CHN2: variants seen among roughly 807,000 people sequenced by gnomAD.
The protein encoded by CHN2 is beta-chimaerin.
In CHN2, 35 loss-of-function variants were observed where a neutral mutation model predicts 56.3. The ratio of observed to expected loss-of-function variants is 0.62; its 90% CI spans 0.47 to 0.82. The LOEUF is 0.82. Among genes scored for constraint, CHN2 ranks in the 40% least tolerant of loss-of-function variants. The pLI is 0.00. For missense variants in CHN2, 491 were observed against 580.5 expected, an observed-to-expected ratio of 0.85 and a Z score of 1.58; for synonymous variants, 210 against 212.8, an observed-to-expected ratio of 0.99 and a Z score of 0.12.
At chr7:29,312,968 G>C (rs933490981) in intron 1 of CHN2, among the ~76,000 whole-genome samples, 1 of 152,052 alleles carries the variant, frequency 6.6e-6, no homozygotes, top group Non-Finnish European at 1.5e-5. Context: ...GATGGCTATG[G>C]TGTGACCATA....
chr7:29,353,522 G>T (rs961664941), intron 1 of CHN2, among the ~76,000 whole-genome samples: 6 of 152,176 alleles, frequency 3.9e-5, no homozygotes, highest in Admixed American at 2.6e-4. Flanking sequence ...GGGTGTGGTG[G>T]CGCACACCTG....
At chr7:29,262,587 T>C (rs1789648885) in intron 1 of CHN2, among the ~76,000 whole-genome samples, 1 of 152,228 alleles carries the variant, frequency 6.6e-6, no homozygotes, top group African/African-American at 2.4e-5. Context: ...CTTTTCTTCT[T>C]TAACTAATTG....
upstream of CHN2, among the ~76,000 whole-genome samples, chr7:29,190,280 A>G (rs1472322309): frequency 2.0e-5 from 3 of 152,228 alleles, no homozygotes; most frequent in Non-Finnish European, 2.9e-5. Flanking sequence ...GCCATAAAAT[A>G]TTTAAAGCTA....
intron 1 of CHN2, among the ~76,000 whole-genome samples, chr7:29,267,464 G>A (rs555685520): frequency 4.1e-4 from 63 of 152,058 alleles, no homozygotes; most frequent in African/African-American, 1.4e-3. Context: ...GGCTGGTCTC[G>A]AACTCTGACC....
intron 2 of CHN2, among the ~76,000 whole-genome samples, chr7:29,149,189 CTTTTTTTTTTTT>C (rs60520174): frequency 4.0e-5 from 4 of 100,340 alleles, no homozygotes; most frequent in Non-Finnish European, 7.4e-5. Context: ...GTCTGTTTCC[CTTTTTTTTTTTT>C]TTTTTTTTTG....
intron 2 of CHN2, among the ~76,000 whole-genome samples, chr7:29,152,716 T>G (rs760347160): frequency 6.6e-6 from 1 of 152,240 alleles, no homozygotes; most frequent in Non-Finnish European, 1.5e-5. Flanking sequence ...GCTCTTTTGC[T>G]CTGAGACGGT....
At chr7:29,342,260 A>C (rs62459611) in intron 1 of CHN2, among the ~76,000 whole-genome samples, 10,105 of 152,196 alleles carry the variant, frequency 0.066, 469 homozygotes, top group East Asian at 0.2. Context: ...GGATGGAGAG[A>C]TTATTCAGGA....
At chr7:29,376,924 C>T (rs753836713) in intron 3 of CHN2, among the ~76,000 whole-genome samples, 11 of 152,046 alleles carry the variant, frequency 7.2e-5, no homozygotes, top group Non-Finnish European at 1.3e-4. Flanking sequence ...CTGATCTCCT[C>T]CCTCTACCCT....
chr7:29,465,972 G>A (rs1223250755), intron 6 of CHN2, among the ~76,000 whole-genome samples: 1 of 152,218 alleles, frequency 6.6e-6, no homozygotes, highest in African/African-American at 2.4e-5. Flanking sequence ...GGGAGGCTCA[G>A]GTGGGCAGAT....
chr7:29,301,815 A>G (rs1793692492), intron 1 of CHN2, among the ~76,000 whole-genome samples: 1 of 152,212 alleles, frequency 6.6e-6, no homozygotes, highest in Non-Finnish European at 1.5e-5. Flanking sequence ...TTTCTCTTCA[A>G]ATAGGTCCAT....
intron 1 of CHN2, among the ~76,000 whole-genome samples, chr7:29,216,919 A>G (rs1048446006): frequency 2.0e-5 from 3 of 152,210 alleles, no homozygotes; most frequent in African/African-American, 7.2e-5. Context: ...ACTACATGGT[A>G]ATGAAGATGG....
At chr7:29,167,052 A>G (rs2128719599) in intron 2 of CHN2, among the ~76,000 whole-genome samples, 1 of 152,270 alleles carries the variant, frequency 6.6e-6, no homozygotes, top group Admixed American at 6.5e-5. Flanking sequence ...AAAGTGAACA[A>G]TGTTTACAAC....
At chr7:29,355,733 A>G (rs1054976863) in intron 2 of CHN2, among the ~76,000 whole-genome samples, 1 of 148,950 alleles carries the variant, frequency 6.7e-6, no homozygotes, top group African/African-American at 2.5e-5. Flanking sequence ...CCAAGCAGCC[A>G]AGTCCCGAAT....
At position 29,504,802 on chromosome 7, in the gene CHN2, C is replaced by G. The variant is rs1197312514; in HGVS notation, c.972C>G (p.Val324=). The change falls in exon 10 of 13, where the codon GTC becomes GTG. Residue 324 remains valine (V), a synonymous_variant. Coordinates refer to ENST00000222792, the MANE Select transcript of CHN2 (RefSeq NM_004067.4). ...VSGFTEHIED[V]KMAFDRDGEK... is the part of the protein sequence containing the mutation. ...GGTTCACTGAACACATTGAAGATGT[C>G]AAAATGGCATTTGACAGAGGTAAGC... is the stretch of plus-strand genomic sequence containing the variant. The G allele has an allele frequency of 6.2e-7, 1 of 1,612,550 alleles. No individual in the cohort carries two copies. Among genetic ancestry groups the G allele is most frequent in the African/African-American group, 1.3e-5 (1 of 74,696 alleles).
intron 6 of CHN2, among the ~76,000 whole-genome samples, chr7:29,437,000 C>G (rs867796460): frequency 2.6e-5 from 4 of 151,378 alleles, no homozygotes; most frequent in Admixed American, 2.0e-4. Context: ...ACATAATATG[C>G]TCACTGAATA....
chr7:29,328,062 T>A (rs1795946736), intron 1 of CHN2, among the ~76,000 whole-genome samples: 1 of 152,190 alleles, frequency 6.6e-6, no homozygotes, highest in South Asian at 2.1e-4. Flanking sequence ...ATAGTTAGTG[T>A]CCATGAAAAT....
rs1799306013 is a variant in CHN2 at position 29,367,966 on chromosome 7, G to A, written c.123G>A (p.Lys41=). 6.2e-7 allele frequency: 1 copy of A among 1,611,428 alleles called. No homozygotes were observed. The highest frequency in any genetic ancestry group is 1.7e-5 in the Admixed American group (1 of 59,510). The change falls in exon 3 of 13, where the codon AAG becomes AAA. Residue 41 remains lysine, a synonymous_variant. Coordinates refer to ENST00000222792, the MANE Select transcript of CHN2 (RefSeq NM_004067.4). ...TACAGCAAGAGGCACCTCGTCCCAAGAGAATCATTTGTCCTCGGGAGGTCA... is the reference window on the plus strand; with the variant it reads ...TACAGCAAGAGGCACCTCGTCCCAAAAGAATCATTTGTCCTCGGGAGGTCA... ...YQLQQEAPRP[K]RIICPREVEN... is the part of the protein sequence containing the mutation.
intron 6 of CHN2, among the ~76,000 whole-genome samples, chr7:29,428,439 C>G (rs1055554731): frequency 6.6e-6 from 1 of 152,084 alleles, no homozygotes; most frequent in Non-Finnish European, 1.5e-5. Flanking sequence ...TCCTATGGCT[C>G]TCTCTCTAAA....
rs947477027 is a variant in CHN2, at chr7:29,303,548, G to A, written c.50-51077G>A. On this transcript the variant is annotated intron_variant, in intron 1 of 12. Coordinates refer to ENST00000222792, the MANE Select transcript of CHN2 (RefSeq NM_004067.4). ...TCCTCTCAGGATCTGCCTGGAGGTG[G>A]GTGGAGTTTAGGGCCCTTCCGTAGG... is the stretch of plus-strand genomic sequence containing the variant. 6.6e-5 allele frequency among the ~76,000 whole-genome samples: 10 copies of A among 152,050 alleles called. No homozygotes were observed. The East Asian group carries it at 1.7e-3, about 26-fold the overall frequency.
Sources: gnomAD v4.1 joint callset for allele counts (sites outside exome capture counted in the v4.1 genomes callset) on GRCh38, gnomAD v4.1.1 for gene constraint, MANE v1.5 for transcripts, NCBI Gene and HGNC (gene_info 2026-07-23, HGNC 2026-07-21) for gene names.